VGLL4: variants seen among roughly 807,000 people sequenced by gnomAD.
The protein encoded by VGLL4 is transcription cofactor vestigial-like protein 4.
In VGLL4, 7 loss-of-function variants were observed where a neutral mutation model predicts 21.0. The ratio of observed to expected loss-of-function variants is 0.33; its 90% confidence interval spans 0.19 to 0.63. The LOEUF is 0.63. Among genes scored for constraint, VGLL4 ranks in the 20% least tolerant of loss-of-function variants. The pLI is 0.78. For missense variants in VGLL4, 394 were observed against 425.7 expected (o/e 0.93, Z 0.66); for synonymous variants, 222 against 173.2 (o/e 1.28, Z -2.21).
chr3:11,659,027 T>G (rs1388428049), intron 2 of VGLL4, among the ~76,000 whole-genome samples: 1 of 152,078 alleles, frequency 6.6e-6, no homozygotes, highest in African/African-American at 2.4e-5. Flanking sequence ...CACCTAGAAG[T>G]TAAACCCAAT....
At chr3:11,573,245 GAGAAAGAAAGAAAGAAAGAAAGAAAGAA>G (rs777365240) in intron 2 of VGLL4, among the ~76,000 whole-genome samples, 2 of 78,770 alleles carry the variant, frequency 2.5e-5, no homozygotes, top group Non-Finnish European at 2.2e-5. Flanking sequence ...AAAAGAAATA[GAGAAAGAAAGAAAGAAAGAAAGAAAGAA>G]AGAAAGAAAG....
intron 1 of VGLL4, among the ~76,000 whole-genome samples, chr3:11,711,927 T>C (rs2076852197): frequency 6.6e-6 from 1 of 152,148 alleles, no homozygotes; most frequent in Non-Finnish European, 1.5e-5. Context: ...CAGATTCTGG[T>C]GGCGACATGC....
chr3:11,687,488 T>C (rs1048705125), intron 2 of VGLL4, among the ~76,000 whole-genome samples: 4 of 152,182 alleles, frequency 2.6e-5, no homozygotes, highest in African/African-American at 4.8e-5. Flanking sequence ...TGTTTTTTTG[T>C]TTAAGAGATA....
At chr3:11,622,430 AT>A (rs57792468) in intron 1 of VGLL4, among the ~76,000 whole-genome samples, 1,714 of 144,778 alleles carry the variant, frequency 0.012, 121 homozygotes, top group Admixed American at 0.11. Flanking sequence ...AAAAAAAAAA[AT>A]CATACTATTA....
At chr3:11,616,052 T>G (rs1432880183) in intron 1 of VGLL4, among the ~76,000 whole-genome samples, 2 of 152,068 alleles carry the variant, frequency 1.3e-5, no homozygotes, top group Non-Finnish European at 2.9e-5. Flanking sequence ...CCTGACTGAT[T>G]GGATTGCCGG....
At chr3:11,684,421 C>G (rs935868924) in intron 2 of VGLL4, among the ~76,000 whole-genome samples, 1 of 151,942 alleles carries the variant, frequency 6.6e-6, no homozygotes, top group African/African-American at 2.4e-5. Flanking sequence ...TACTTTGTCA[C>G]CCAGGCTGGA....
At chr3:11,666,118 A>G (rs1030547614) in intron 2 of VGLL4, among the ~76,000 whole-genome samples, 41 of 152,110 alleles carry the variant, frequency 2.7e-4, no homozygotes, top group African/African-American at 8.7e-4. Context: ...CAGGCATGGT[A>G]GTGGGCGCCT....
intron 2 of VGLL4, among the ~76,000 whole-genome samples, chr3:11,670,826 T>C (rs2076199976): frequency 6.6e-6 from 1 of 152,010 alleles, no homozygotes; most frequent in Non-Finnish European, 1.5e-5. Flanking sequence ...TCACCTGAGG[T>C]CAGGAGTTTG....
chr3:11,698,070 A>G (rs1354467789), intron 2 of VGLL4, among the ~76,000 whole-genome samples: 1 of 152,246 alleles, frequency 6.6e-6, no homozygotes, highest in East Asian at 1.9e-4. Context: ...AAATTAGAAG[A>G]TATGGTTACC....
chr3:11,646,235 G>A (rs146234995), upstream of VGLL4, among the ~76,000 whole-genome samples: 74 of 152,232 alleles, frequency 4.9e-4, no homozygotes, highest in African/African-American at 1.6e-3. Flanking sequence ...CTCAAAACTC[G>A]TAACATCCAG....
rs552582031 is a variant in VGLL4 at position 11,581,157 on chromosome 3, C to T, written c.273-16138G>A. 7.2e-5 allele frequency among the ~76,000 whole-genome samples: 11 copies of T among 151,786 alleles called. No homozygotes were observed. In the East Asian group the frequency reaches 2.1e-3, roughly 29 times the overall value. On this transcript the variant is annotated intron_variant, in intron 2 of 4. Transcript: ENST00000430365. ...TCTCAGCTCACTGCAACCTCTGCCT[C>T]CTGGGTTCAAGTGATTCTCCTGCCT...
chr3:11,683,017 C>G (rs1346160678), intron 2 of VGLL4, among the ~76,000 whole-genome samples: 2 of 152,172 alleles, frequency 1.3e-5, no homozygotes, highest in East Asian at 3.9e-4. Context: ...CACCTGAGGT[C>G]AGGAGTTCAA....
intron 1 of VGLL4, chr3:11,627,250 T>TCC: frequency 7.2e-6 from 1 of 138,954 alleles, no homozygotes; most frequent in Non-Finnish European, 1.5e-5. Flanking sequence ...TCTCTCTCTC[T>TCC]GTCGGTTTTT....
rs151057858 is a variant in VGLL4, at chr3:11,573,452, G to A, written c.273-8433C>T. Among the ~76,000 whole-genome samples the A allele has an allele frequency of 7.5e-3, 1,139 of 152,248 alleles. 7 individuals are homozygous for A. Among genetic ancestry groups the A allele is most frequent in the Middle Eastern group, 0.041 (12 of 294 alleles). Reference sequence around the variant, plus strand: ...CATGTGTCCTGGTGCTGGGGACAGGGCTTCTGACATTCTCTCAGGTCAGTA... The same window carrying A: ...CATGTGTCCTGGTGCTGGGGACAGGACTTCTGACATTCTCTCAGGTCAGTA... On this transcript the variant is annotated intron_variant, in intron 2 of 4. Coordinates refer to ENST00000430365, the MANE Select transcript of VGLL4 (RefSeq NM_001128219.3).
At chr3:11,695,020 A>G (rs903647921) in intron 2 of VGLL4, among the ~76,000 whole-genome samples, 1 of 151,398 alleles carries the variant, frequency 6.6e-6, no homozygotes, top group African/African-American at 2.4e-5. Flanking sequence ...AAAGATAATC[A>G]TATTGTACTT....
chr3:11,721,555 A>G (rs563331355), upstream of VGLL4, among the ~76,000 whole-genome samples: 1 of 152,270 alleles, frequency 6.6e-6, no homozygotes, highest in East Asian at 1.9e-4. Context: ...TCCCAAAGGT[A>G]CTCTTACATA....
chr3:11,679,800 T>A (rs1268113572), intron 2 of VGLL4, among the ~76,000 whole-genome samples: 1 of 152,208 alleles, frequency 6.6e-6, no homozygotes, highest in Non-Finnish European at 1.5e-5. Flanking sequence ...AAAGTTTTTT[T>A]AAAAAAAGTT....
At chr3:11,679,459 C>T (rs999564131) in intron 2 of VGLL4, among the ~76,000 whole-genome samples, 5 of 151,988 alleles carry the variant, frequency 3.3e-5, no homozygotes, top group Non-Finnish European at 5.9e-5. Context: ...CCGAGGCGGG[C>T]GGATCATGAG....
intron 1 of VGLL4, among the ~76,000 whole-genome samples, chr3:11,632,214 G>A (rs753068236): frequency 2.6e-5 from 4 of 152,118 alleles, no homozygotes; most frequent in Non-Finnish European, 4.4e-5. Context: ...TTGGGAGGCT[G>A]AGGCGGGAGA....
Sources: gnomAD v4.1 joint callset for allele counts (sites outside exome capture counted in the v4.1 genomes callset) on GRCh38, gnomAD v4.1.1 for gene constraint, MANE v1.5 for transcripts, NCBI Gene and HGNC (gene_info 2026-07-23, HGNC 2026-07-21) for gene names.